The following OTUD7A variants were observed in gnomAD, a reference collection of about 807,000 sequenced individuals.
OTUD7A encodes OTU domain-containing protein 7A.
Under a neutral mutation model 65.7 loss-of-function variants are expected in OTUD7A, and 12 were observed. The ratio of observed to expected loss-of-function variants is 0.18; its 90% confidence interval spans 0.12 to 0.30. OTUD7A has a LOEUF of 0.30. OTUD7A is among the 10% of genes least tolerant of loss of function. The pLI is 1.00. For missense variants in OTUD7A, 1,148 were observed against 1,304.8 expected (o/e 0.88, Z 1.85); for synonymous variants, 641 against 586.3 (o/e 1.09, Z -1.35).
At chr15:31,842,494 C>T (rs1458835863) in intron 1 of OTUD7A, among the ~76,000 whole-genome samples, 1 of 152,142 alleles carries the variant, frequency 6.6e-6, no homozygotes, top group African/African-American at 2.4e-5. Context: ...TTTTCACAGC[C>T]GGAAGTGAAG....
At chr15:31,572,638 C>T (rs577965838) in intron 3 of OTUD7A, among the ~76,000 whole-genome samples, 1 of 152,032 alleles carries the variant, frequency 6.6e-6, no homozygotes, top group East Asian at 1.9e-4. Flanking sequence ...TAATTTAGTA[C>T]AAAAGTATCA....
rs780249940 is a variant in OTUD7A at position 31,570,179 on chromosome 15, G to C, written c.170C>G (p.Thr57Arg). ...CTGCTCATAGTCGCTCAGAGCGGCT[G>C]TCAGGTCCCAGTTTTTGCCTGTGGA... ...DLLEGKNWDLTAALSDYEQLR... is the reference protein window; with the variant it reads ...DLLEGKNWDLRAALSDYEQLR... Residue 57 changes from threonine to arginine, a missense_variant, in exon 4 of 13, where the codon ACA becomes AGA. This residue lies in a region of OTUD7A where 38 missense variants were observed against 85.7 expected (regional missense o/e 0.44). Transcript: ENST00000307050. 2.5e-6 allele frequency: 4 copies of C among 1,614,090 alleles called. No homozygotes were observed. In the African/African-American group the frequency reaches 5.3e-5, roughly 22 times the overall value.
intron 3 of OTUD7A, among the ~76,000 whole-genome samples, chr15:31,627,379 T>C (rs1470536702): frequency 1.3e-5 from 2 of 151,898 alleles, no homozygotes; most frequent in African/African-American, 4.8e-5. Flanking sequence ...CTGAGAATGA[T>C]GGTTTCCAGT....
At chr15:31,489,030 G>A (rs930441270) in intron 10 of OTUD7A, among the ~76,000 whole-genome samples, 4 of 152,192 alleles carry the variant, frequency 2.6e-5, no homozygotes, top group Non-Finnish European at 4.4e-5. Context: ...TGAGCTGCAG[G>A]GCAGACACAC....
chr15:31,784,512 A>C (rs1191068864), intron 1 of OTUD7A, among the ~76,000 whole-genome samples: 1 of 152,234 alleles, frequency 6.6e-6, no homozygotes, highest in Admixed American at 6.5e-5. Context: ...CTATGTTTAC[A>C]TGTAACAGGT....
At chr15:31,594,381 G>A (rs9806655) in intron 3 of OTUD7A, among the ~76,000 whole-genome samples, 3,910 of 152,232 alleles carry the variant, frequency 0.026, 167 homozygotes, top group African/African-American at 0.09. Flanking sequence ...TTCCAATCTG[G>A]CTTCCAGGAG....
intron 3 of OTUD7A, among the ~76,000 whole-genome samples, chr15:31,604,629 C>T (rs1200822093): frequency 1.3e-5 from 2 of 152,202 alleles, no homozygotes; most frequent in African/African-American, 2.4e-5. Context: ...CTATATTCAG[C>T]TGCTTCACAA....
intron 4 of OTUD7A, among the ~76,000 whole-genome samples, chr15:31,561,824 C>T (rs1047583056): frequency 5.5e-5 from 8 of 144,710 alleles, no homozygotes; most frequent in Non-Finnish European, 1.0e-4. Flanking sequence ...ATTCTTTAAA[C>T]GTGAACTCAG....
chr15:31,477,025 T>C lies in OTUD7A; in HGVS notation c.*6269A>G, dbSNP rs1301635981. The C allele has an allele frequency of 1.3e-5, 2 of 152,352 alleles. No individual in the cohort carries two copies. Among genetic ancestry groups the C allele is most frequent in the African/African-American group, 4.8e-5 (2 of 41,458 alleles). 9.4% of individuals were successfully genotyped at this position (152,352 alleles called of 1,614,324 possible). A position where few individuals can be genotyped will look rare whatever the true frequency, so the allele number is the denominator to read the frequency against. On this transcript the variant is annotated 3_prime_UTR_variant, in exon 13 of 13. Transcript: ENST00000307050. ...AGGAGGTGTGTGTTGCTTGGCTCTG[T>C]GGTGTCAAGGCCCTGACCTTCCAGT...
At chr15:31,727,694 C>G (rs1266529414) in intron 1 of OTUD7A, among the ~76,000 whole-genome samples, 1 of 152,170 alleles carries the variant, frequency 6.6e-6, no homozygotes, top group East Asian at 1.9e-4. Flanking sequence ...TGGGATGGCC[C>G]TGTTACCAAT....
chr15:31,516,884 A>G (rs1481202081), intron 8 of OTUD7A, among the ~76,000 whole-genome samples: 1 of 152,206 alleles, frequency 6.6e-6, no homozygotes, highest in African/African-American at 2.4e-5. Context: ...AGGATCTATA[A>G]GTAAAAACCT....
At chr15:31,492,479 G>A (rs926339497) in intron 10 of OTUD7A, among the ~76,000 whole-genome samples, 1 of 151,900 alleles carries the variant, frequency 6.6e-6, no homozygotes, top group African/African-American at 2.4e-5. Context: ...TCTGGAGGCA[G>A]AGGCAGGAGA....
At chr15:31,709,117 C>T (rs1396474099) in intron 1 of OTUD7A, among the ~76,000 whole-genome samples, 1 of 151,508 alleles carries the variant, frequency 6.6e-6, no homozygotes, top group African/African-American at 2.5e-5. Context: ...AGGTCGTGCC[C>T]AGGAAGAGCT....
intron 4 of OTUD7A, 114 bp downstream of exon 4, chr15:31,569,904 A>G (rs977966000): frequency 8.9e-6 from 10 of 1,122,656 alleles, no homozygotes; most frequent in Non-Finnish European, 1.3e-5. Context: ...AGAGGCCAAT[A>G]TGTCTGCATC....
chr15:31,860,677 G>GTGTATGTATATATATATATATA (rs560896384), intron 1 of OTUD7A, among the ~76,000 whole-genome samples: 3 of 73,284 alleles, frequency 4.1e-5, no homozygotes, highest in Non-Finnish European at 7.9e-5. Flanking sequence ...ATGTATGTGT[G>GTGTATGTATATATATATATATA]TATATATATA....
chr15:31,597,945 G>A (rs901928493), intron 3 of OTUD7A, among the ~76,000 whole-genome samples: 41 of 152,248 alleles, frequency 2.7e-4, no homozygotes, highest in African/African-American at 9.6e-4. Flanking sequence ...TAAAAGCAGT[G>A]GGAACTTTCG....
At chr15:31,714,426 AAAG>A (rs1452216388) in intron 1 of OTUD7A, among the ~76,000 whole-genome samples, 3 of 152,136 alleles carry the variant, frequency 2.0e-5, no homozygotes, top group Non-Finnish European at 4.4e-5. Context: ...AATAAAGGAG[AAAG>A]AATAGGGAGA....
intron 1 of OTUD7A, among the ~76,000 whole-genome samples, chr15:31,792,494 C>T (rs898178135): frequency 6.6e-6 from 1 of 152,146 alleles, no homozygotes; most frequent in African/African-American, 2.4e-5. Context: ...GCTTGTTCAT[C>T]CTGCACTGAG....
At chr15:31,849,657 G>C (rs1239482945) in intron 1 of OTUD7A, among the ~76,000 whole-genome samples, 1 of 151,476 alleles carries the variant, frequency 6.6e-6, no homozygotes, top group Non-Finnish European at 1.5e-5. Context: ...CTACCCATCT[G>C]ATAAAAGGCT....
Sources: allele counts gnomAD v4.1 joint callset (sites outside exome capture counted in the v4.1 genomes callset), GRCh38; gene constraint gnomAD v4.1.1; regional missense constraint gnomAD v4.1.1; transcripts MANE v1.5; gene names NCBI Gene and HGNC (gene_info 2026-07-23, HGNC 2026-07-21).